Variants in SHISA6 observed in about 807,000 individuals in gnomAD.
The protein encoded by SHISA6 is shisa family member 6.
Under a neutral mutation model 47.9 loss-of-function variants are expected in SHISA6, and 22 were observed. That is an observed-to-expected ratio of 0.46 (90% confidence interval 0.33 to 0.66). The LOEUF (loss-of-function observed/expected upper bound fraction) is 0.66, where lower values mean the gene tolerates loss of function less well. Among genes scored for constraint, SHISA6 ranks in the 30% least tolerant of loss-of-function variants. SHISA6 has a pLI of 0.02. For missense variants in SHISA6, 680 were observed against 764.6 expected, an observed-to-expected ratio of 0.89 and a Z score of 1.30; for synonymous variants, 388 against 337.8, an observed-to-expected ratio of 1.15 and a Z score of -1.63.
intron 3 of SHISA6, among the ~76,000 whole-genome samples, chr17:11,549,851 G>A (rs2071915159): frequency 6.6e-6 from 1 of 152,142 alleles, no homozygotes; most frequent in Admixed American, 6.5e-5. Context: ...CTTGCCTCTG[G>A]AGGACAAGCA....
At chr17:11,260,645 CCT>C (rs1010538909) in intron 1 of SHISA6, among the ~76,000 whole-genome samples, 7 of 152,098 alleles carry the variant, frequency 4.6e-5, no homozygotes, top group African/African-American at 1.7e-4. Context: ...TGCCTCCTCT[CCT>C]CTCTCTGTCT....
intron 2 of SHISA6, among the ~76,000 whole-genome samples, chr17:11,373,127 T>C (rs1597481333): frequency 6.6e-6 from 1 of 151,882 alleles, no homozygotes; most frequent in Admixed American, 6.6e-5. Flanking sequence ...TACAGATAAA[T>C]ACATTCATGT....
chr17:11,390,635 A>T (rs974170483), intron 3 of SHISA6, among the ~76,000 whole-genome samples: 1 of 152,214 alleles, frequency 6.6e-6, no homozygotes, highest in Admixed American at 6.5e-5. Context: ...AGTCCCCTCA[A>T]TGGCCTTTAA....
At chr17:11,309,897 C>T (rs1226168167) in intron 2 of SHISA6, among the ~76,000 whole-genome samples, 1 of 152,224 alleles carries the variant, frequency 6.6e-6, no homozygotes, top group Non-Finnish European at 1.5e-5. Flanking sequence ...CATTCATTCA[C>T]TCACTTATTG....
chr17:11,406,976 T>A (rs1459522367), intron 3 of SHISA6, among the ~76,000 whole-genome samples: 1 of 152,128 alleles, frequency 6.6e-6, no homozygotes, highest in South Asian at 2.1e-4. Flanking sequence ...CATATGTAGA[T>A]AATTATGGCA....
intron 3 of SHISA6, among the ~76,000 whole-genome samples, chr17:11,450,813 C>T (rs1350637330): frequency 2.6e-5 from 4 of 152,018 alleles, no homozygotes; most frequent in Non-Finnish European, 2.9e-5. Flanking sequence ...ACCAATTGGT[C>T]GATGGTTACA....
intron 4 of SHISA6, among the ~76,000 whole-genome samples, chr17:11,554,024 A>G (rs973306568): frequency 4.6e-5 from 7 of 152,156 alleles, no homozygotes; most frequent in Non-Finnish European, 1.0e-4. Context: ...ATGTCCTGTA[A>G]CACAGTGGTG....
chr17:11,509,071 T>C (rs1232906590), intron 3 of SHISA6, among the ~76,000 whole-genome samples: 1 of 152,100 alleles, frequency 6.6e-6, no homozygotes, highest in Non-Finnish European at 1.5e-5. Flanking sequence ...AAAGCATGGA[T>C]GGGCTCTCAG....
At chr17:11,310,488 T>C (rs1567568553) in intron 2 of SHISA6, among the ~76,000 whole-genome samples, 1 of 152,118 alleles carries the variant, frequency 6.6e-6, no homozygotes, top group Non-Finnish European at 1.5e-5. Context: ...TTGAGTTGTT[T>C]GAGGAACATC....
chr17:11,523,149 A>C (rs373417675), intron 3 of SHISA6, among the ~76,000 whole-genome samples: 10 of 152,318 alleles, frequency 6.6e-5, no homozygotes, highest in African/African-American at 2.4e-4. Context: ...CCACCAACTA[A>C]GCCTCTTGGT....
chr17:11,304,319 G>A (rs1910031381), intron 2 of SHISA6, among the ~76,000 whole-genome samples: 1 of 152,192 alleles, frequency 6.6e-6, no homozygotes, highest in Non-Finnish European at 1.5e-5. Flanking sequence ...AGCAGAGGGA[G>A]GATGATCACA....
At chr17:11,348,599 T>C (rs938244469) in intron 2 of SHISA6, among the ~76,000 whole-genome samples, 5 of 152,166 alleles carry the variant, frequency 3.3e-5, no homozygotes, top group Admixed American at 6.5e-5. Flanking sequence ...TCTGAGTTAG[T>C]GAGTGAAGTT....
intron 2 of SHISA6, among the ~76,000 whole-genome samples, chr17:11,312,002 C>T (rs1910357130): frequency 6.6e-6 from 1 of 152,104 alleles, no homozygotes; most frequent in East Asian, 1.9e-4. Flanking sequence ...TCTCGAACTC[C>T]TGACCTCATG....
intron 3 of SHISA6, among the ~76,000 whole-genome samples, chr17:11,515,311 AAAAAGGAAGG>A (rs2142358239): frequency 1.5e-5 from 2 of 129,394 alleles, no homozygotes; most frequent in African/African-American, 5.9e-5. Context: ...AGGAAGAAAG[AAAAAGGAAGG>A]AAGGAAGGAA....
intron 1 of SHISA6, among the ~76,000 whole-genome samples, chr17:11,254,311 G>T (rs983431407): frequency 1.2e-4 from 19 of 152,266 alleles, no homozygotes; most frequent in African/African-American, 4.6e-4. Context: ...TTGTGGAAGT[G>T]TGTTCTTCTT....
intron 2 of SHISA6, among the ~76,000 whole-genome samples, chr17:11,276,183 G>A (rs559902143): frequency 2.6e-5 from 4 of 151,944 alleles, no homozygotes; most frequent in Admixed American, 6.6e-5. Context: ...TCACCATGTC[G>A]ACCAGGCTGG....
At chr17:11,417,769 G>A (rs1180930475) in intron 3 of SHISA6, among the ~76,000 whole-genome samples, 1 of 152,238 alleles carries the variant, frequency 6.6e-6, no homozygotes, top group East Asian at 1.9e-4. Flanking sequence ...TTGAAGCAAA[G>A]TGATTAACAT....
intron 2 of SHISA6, among the ~76,000 whole-genome samples, chr17:11,266,213 C>A (rs1279525089): frequency 6.6e-6 from 1 of 152,120 alleles, no homozygotes; most frequent in Non-Finnish European, 1.5e-5. Context: ...AATCAACAAA[C>A]CATCAATTGT....
intron 2 of SHISA6, among the ~76,000 whole-genome samples, chr17:11,277,278 T>TCACACA (rs1385591802): frequency 9.5e-5 from 5 of 52,674 alleles, no homozygotes; most frequent in South Asian, 2.2e-3. Context: ...TCTCTCTCTC[T>TCACACA]CTCACACACA....
Sources: gnomAD v4.1 joint callset for allele counts (sites outside exome capture counted in the v4.1 genomes callset) on GRCh38, gnomAD v4.1.1 for gene constraint, MANE v1.5 for transcripts, NCBI Gene and HGNC (gene_info 2026-07-23, HGNC 2026-07-21) for gene names.